Variants in ERCC8 observed in about 807,000 individuals in gnomAD.
The protein encoded by ERCC8 is DNA excision repair protein ERCC-8.
A neutral mutation model predicts 54.9 loss-of-function variants in ERCC8; 52 were observed. That is an observed-to-expected ratio of 0.95 (90% CI 0.76 to 1.19). The LOEUF is 1.19. Ranked by LOEUF, ERCC8 falls within the 50% of genes most tolerant of loss-of-function variation. The pLI, the probability that ERCC8 is intolerant of heterozygous loss-of-function variation, is 0.00. For synonymous variants in ERCC8, 146 were observed against 157.2 expected (o/e 0.93, Z 0.53); for missense variants, 514 against 466.1 (o/e 1.10, Z -0.95).
At chr5:60,900,645 C>T (rs1449668040) in intron 7 of ERCC8, 2 of 152,040 alleles carry the variant, frequency 1.3e-5, no homozygotes, top group African/African-American at 4.8e-5. Flanking sequence ...AAAAAACTAG[C>T]ATTACCCATT....
At chr5:60,928,407 G>A (rs4647065) in intron 2 of ERCC8, among the ~76,000 whole-genome samples, 1 of 152,104 alleles carries the variant, frequency 6.6e-6, no homozygotes, top group African/African-American at 2.4e-5. Flanking sequence ...TATAGCTAAG[G>A]CAACTGATAA....
chr5:60,890,971 G>C lies in ERCC8; in HGVS notation c.959C>G (p.Thr320Arg), dbSNP rs150632283. ...VPYGSTIAVY[T>R]VYSGEQITML... ...AGTTATCTGTTCTCCTGAGTAAACT[G>C]TATAAACAGCAATGGTGCTACCATA... The change falls in exon 10 of 12, where the codon ACA (threonine) becomes AGA (arginine). Residue 320 changes from threonine to arginine, a missense_variant. Transcript: ENST00000676185. 6.2e-7 allele frequency: 1 copy of C among 1,612,884 alleles called. No individual in the cohort carries two copies. The highest frequency in any genetic ancestry group is 1.3e-5 in the African/African-American group (1 of 74,900).
rs772779979 is a variant in ERCC8, at chr5:60,890,973, A to G, written c.957T>C (p.Tyr319=). 2.5e-6 allele frequency: 4 copies of G among 1,613,064 alleles called. No homozygotes were observed. The highest frequency in any genetic ancestry group is 2.2e-5 in the East Asian group (1 of 44,790). The change falls in exon 10 of 12, where the codon TAT becomes TAC. Residue 319 remains tyrosine, a synonymous_variant. Coordinates refer to ENST00000676185, the MANE Select transcript of ERCC8 (RefSeq NM_000082.4). The part of the protein sequence containing the change: ...FVPYGSTIAV[Y]TVYSGEQITM... ...TTATCTGTTCTCCTGAGTAAACTGT[A>G]TAAACAGCAATGGTGCTACCATATG...
chr5:60,902,586 T>C, intron 6 of ERCC8, 78 bp from the exon 7 acceptor site: 1 of 1,224,816 alleles, frequency 8.2e-7, no homozygotes. Flanking sequence ...TTTTGCCTGA[T>C]TCTGAAGAAA....
At chr5:60,933,003 T>C (rs1378596422) in intron 1 of ERCC8, among the ~76,000 whole-genome samples, 3 of 152,176 alleles carry the variant, frequency 2.0e-5, no homozygotes, top group South Asian at 4.1e-4. Flanking sequence ...TGGTTATTAA[T>C]AGCTAGCATT....
Position 60,903,662 on chromosome 5 carries a change from G to T in ERCC8, c.536C>A (p.Ser179Tyr), listed in dbSNP as rs1204099628. Residue 179 changes from serine to tyrosine, a missense_variant, in exon 6 of 12, where the codon TCT becomes TAT. By Grantham distance (144) the Ser-to-Tyr change is moderately radical (BLOSUM62 -2). Coordinates refer to ENST00000676185, the MANE Select transcript of ERCC8 (RefSeq NM_000082.4). The part of the protein sequence containing the change: ...QLCDLKSGSC[S>Y]HILQGHRQEI... The stretch of plus-strand genomic sequence containing the variant: ...AATAAAAATACCCTGTAGAATGTGA[G>T]AACAGGATCCAGACTTCAAGTCACA... 2.5e-6 allele frequency: 4 copies of T among 1,612,310 alleles called. No homozygotes were observed. Among genetic ancestry groups the T allele is most frequent in the South Asian group, 2.2e-5 (2 of 91,016 alleles).
chr5:60,868,366 A>G lies in ERCC8; in HGVS notation c.*6249T>C, dbSNP rs971032641. ...GAACTCGGAGAGCGGTTATCAATCCACTAGCACAAAGTTTACCAGTATCTT... is the reference window on the plus strand; with the variant it reads ...GAACTCGGAGAGCGGTTATCAATCCGCTAGCACAAAGTTTACCAGTATCTT... On this transcript the variant is annotated 3_prime_UTR_variant, in exon 12 of 12. Transcript: ENST00000676185. Among the ~76,000 whole-genome samples the G allele has an allele frequency of 6.6e-6, 1 of 152,184 alleles. No homozygotes were observed. Among genetic ancestry groups the G allele is most frequent in the African/African-American group, 2.4e-5 (1 of 41,452 alleles).
At chr5:60,893,732 C>T in intron 9 of ERCC8, 1 of 416,078 alleles carries the variant, frequency 2.4e-6, no homozygotes, top group Non-Finnish European at 4.3e-6. Context: ...CCGACTCCGC[C>T]CACTGGGCAG....
intron 9 of ERCC8, chr5:60,891,865 T>C (rs1214379295): frequency 4.7e-6 from 2 of 423,344 alleles, no homozygotes; most frequent in East Asian, 1.1e-4. Flanking sequence ...CCAAACTATT[T>C]CACTGGTAAT....
At chr5:60,911,345 G>A (rs775239317) in intron 4 of ERCC8, among the ~76,000 whole-genome samples, 3 of 151,976 alleles carry the variant, frequency 2.0e-5, no homozygotes, top group Non-Finnish European at 2.9e-5. Context: ...CTCTGATGAC[G>A]AGTGATGACG....
At chr5:60,909,356 A>T (rs995435603) in intron 4 of ERCC8, among the ~76,000 whole-genome samples, 1 of 149,750 alleles carries the variant, frequency 6.7e-6, no homozygotes, top group Non-Finnish European at 1.5e-5. Flanking sequence ...AAGAAGGTTC[A>T]GTACTGTAAT....
chr5:60,904,577 A>T (rs1207940208), intron 5 of ERCC8, among the ~76,000 whole-genome samples: 1 of 144,878 alleles, frequency 6.9e-6, no homozygotes, highest in African/African-American at 2.5e-5. Flanking sequence ...GCCTTGCAAA[A>T]TATCTGTTGA....
intron 4 of ERCC8, among the ~76,000 whole-genome samples, chr5:60,915,898 C>A (rs569038683): frequency 6.6e-6 from 1 of 151,870 alleles, no homozygotes; most frequent in Admixed American, 6.6e-5. Context: ...CATCTGGGAG[C>A]GGGACATGAT....
At chr5:60,916,979 A>G (rs1205694928) in intron 4 of ERCC8, among the ~76,000 whole-genome samples, 5 of 152,114 alleles carry the variant, frequency 3.3e-5, no homozygotes, top group Admixed American at 1.3e-4. Flanking sequence ...GTAGTATGAG[A>G]ATGTATTGAA....
At chr5:60,915,087 G>A (rs1749392645) in intron 4 of ERCC8, 1 of 151,848 alleles carries the variant, frequency 6.6e-6, no homozygotes, top group African/African-American at 2.4e-5. Context: ...TGGATATGCT[G>A]GCCCCATAAA....
chr5:60,898,818 G>A (rs1748792432), intron 8 of ERCC8, among the ~76,000 whole-genome samples: 1 of 148,052 alleles, frequency 6.8e-6, no homozygotes, highest in Non-Finnish European at 1.5e-5. Flanking sequence ...GGGAAAGGAT[G>A]ACTGTTGTAG....
chr5:60,911,575 G>A (rs368459785), intron 4 of ERCC8, among the ~76,000 whole-genome samples: 3 of 152,022 alleles, frequency 2.0e-5, no homozygotes, highest in African/African-American at 7.3e-5. Context: ...CTTTTGCTGT[G>A]CAGAAGCTCT....
intron 11 of ERCC8, among the ~76,000 whole-genome samples, chr5:60,880,134 T>C (rs1346664359): frequency 6.6e-6 from 1 of 152,208 alleles, no homozygotes; most frequent in African/African-American, 2.4e-5. Context: ...AAGCTTAGTT[T>C]GGCTGGATAT....
Position 60,903,662 on chromosome 5 carries a change from G to C in ERCC8, c.536C>G (p.Ser179Cys). ...AATAAAAATACCCTGTAGAATGTGA[G>C]AACAGGATCCAGACTTCAAGTCACA... ...QLCDLKSGSCSHILQGHRQEI... is the reference protein window; with the variant it reads ...QLCDLKSGSCCHILQGHRQEI... The change falls in exon 6 of 12, where the codon TCT (serine) becomes TGT (cysteine). Residue 179 changes from serine to cysteine, a missense_variant. Transcript: ENST00000676185. 5.0e-6 allele frequency: 8 copies of C among 1,612,430 alleles called. No individual in the cohort carries two copies. Among genetic ancestry groups the C allele is most frequent in the Non-Finnish European group, 6.8e-6 (8 of 1,178,974 alleles).
Sources: allele counts gnomAD v4.1 joint callset (sites outside exome capture counted in the v4.1 genomes callset), GRCh38; gene constraint gnomAD v4.1.1; transcripts MANE v1.5; gene names NCBI Gene and HGNC (gene_info 2026-07-23, HGNC 2026-07-21).